SCARA5: variants seen among roughly 807,000 people sequenced by gnomAD.
The protein encoded by SCARA5 is scavenger receptor class A member 5, also known as scavenger receptor class A, member 5 (putative).
Under a neutral mutation model 46.3 loss-of-function variants are expected in SCARA5, and 45 were observed. The observed-to-expected ratio is 0.97, with a 90% CI of 0.76 to 1.24. The LOEUF (loss-of-function observed/expected upper bound fraction) is 1.24. SCARA5 is among the 50% of genes most tolerant of loss of function. The pLI, the probability that SCARA5 is intolerant of heterozygous loss-of-function variation, is 0.00. For synonymous variants in SCARA5, 333 were observed against 306.5 expected (o/e 1.09, Z -0.90); for missense variants, 680 against 689.0 (o/e 0.99, Z 0.15).
intron 2 of SCARA5, among the ~76,000 whole-genome samples, chr8:27,968,500 G>A (rs1395825301): frequency 6.6e-6 from 1 of 152,168 alleles, no homozygotes; most frequent in East Asian, 1.9e-4. Flanking sequence ...TCCTAAATAT[G>A]TAGGCTCCTG....
At position 27,921,763 on chromosome 8, in the gene SCARA5, G is replaced by A. The variant is rs758421929; in HGVS notation, c.724C>T (p.Arg242Cys). The A allele has an allele frequency of 5.1e-6, 8 of 1,579,622 alleles. No homozygotes were observed. The highest frequency in any genetic ancestry group is 6.0e-6 in the Non-Finnish European group (7 of 1,166,208). ...HSLSYDVALH[R>C]TRLQDLRVLV... ...ACCCGCAGGTCCTGCAGCCGCGTGC[G>A]GTGGAGGGCCACGTCGTAGGACAGG... Residue 242 changes from arginine to cysteine, a missense_variant, in exon 4 of 9, where the codon CGC (arginine) becomes TGC (cysteine). By Grantham distance (180) the Arg-to-Cys change is radical. This residue lies in a region of SCARA5 where 438 missense variants were observed against 384.5 expected (regional missense o/e 1.14). Coordinates refer to ENST00000354914, the MANE Select transcript of SCARA5 (RefSeq NM_173833.6).
intron 2 of SCARA5, among the ~76,000 whole-genome samples, chr8:27,983,007 C>A (rs1168019199): frequency 6.6e-6 from 1 of 152,150 alleles, no homozygotes; most frequent in Admixed American, 6.5e-5. Context: ...TGAGGAAGCT[C>A]CCTGGGCATC....
intron 4 of SCARA5, among the ~76,000 whole-genome samples, chr8:27,912,479 G>A (rs1180736008): frequency 2.0e-5 from 3 of 152,232 alleles, no homozygotes; most frequent in Non-Finnish European, 4.4e-5. Flanking sequence ...ACATGATTGA[G>A]TTAGAGAACC....
intron 6 of SCARA5, 89 bp downstream of exon 6, chr8:27,907,059 G>A (rs7826640): frequency 0.13 from 110,242 of 860,694 alleles, 8,671 homozygotes; most frequent in East Asian, 0.31. Flanking sequence ...GTGGCACAGT[G>A]AAGATAAGAG....
intron 3 of SCARA5, among the ~76,000 whole-genome samples, chr8:27,942,113 G>A (rs916170564): frequency 6.6e-6 from 1 of 152,072 alleles, no homozygotes; most frequent in African/African-American, 2.4e-5. Context: ...ACAGGTGTGA[G>A]CCACTGCGCC....
intron 2 of SCARA5, among the ~76,000 whole-genome samples, chr8:27,976,335 C>T (rs1808523795): frequency 6.6e-6 from 1 of 152,210 alleles, no homozygotes; most frequent in African/African-American, 2.4e-5. Context: ...ACTCAAGCAG[C>T]AGGCTCAGGG....
At position 27,871,667 on chromosome 8, in the gene SCARA5, G is replaced by T; in HGVS notation, c.*267C>A. ...GCATGGTGTTCAGAGGCTGGGCAAA[G>T]TGGTGATCCAGTTGATCAGGGCTCC... is the stretch of plus-strand genomic sequence containing the variant. On this transcript the variant is annotated 3_prime_UTR_variant, in exon 9 of 9. Transcript: ENST00000354914. 1.5e-6 allele frequency: 2 copies of T among 1,352,834 alleles called. No homozygotes were observed. Among genetic ancestry groups the T allele is most frequent in the East Asian group, 2.9e-5 (1 of 34,196 alleles). The allele number at this position is 1,352,834 out of a possible 1,614,324, so 83.8% of individuals were successfully genotyped here. A position where few individuals can be genotyped will look rare whatever the true frequency, so the allele number is the denominator to read the frequency against.
At chr8:27,902,814 T>C (rs2726982) in intron 7 of SCARA5, among the ~76,000 whole-genome samples, 146,706 of 152,156 alleles carry the variant, frequency 0.96, 70,967 homozygotes, top group Middle Eastern at 1. Flanking sequence ...CTAGATGGCC[T>C]CATTCAGTCA....
rs138480005 is a variant in SCARA5, at chr8:27,966,528, G to A, written c.127C>T (p.Arg43Trp). ...NLCEDGPCHKRRASICCTQLG... is the reference protein window; with the variant it reads ...NLCEDGPCHKWRASICCTQLG... ...TGGGTACAGCAGATGCTTGCCCGCC[G>A]TTTGTGACATGGACCTGGACAATAA... The change falls in exon 3 of 9, where the codon CGG becomes TGG. Residue 43 changes from arginine to tryptophan, a missense_variant. Coordinates refer to ENST00000354914, the MANE Select transcript of SCARA5 (RefSeq NM_173833.6). 4.2e-4 allele frequency: 679 copies of A among 1,612,766 alleles called. 3 individuals are homozygous for A. In the East Asian group the frequency reaches 6.5e-3, roughly 15 times the overall value.
At chr8:27,885,508 C>T (rs1304121919) in intron 7 of SCARA5, among the ~76,000 whole-genome samples, 1 of 152,182 alleles carries the variant, frequency 6.6e-6, no homozygotes, top group Non-Finnish European at 1.5e-5. Context: ...GATACCCAGC[C>T]TGTGCAAAGG....
At chr8:27,951,460 G>A (rs1422084041) in intron 3 of SCARA5, among the ~76,000 whole-genome samples, 1 of 152,212 alleles carries the variant, frequency 6.6e-6, no homozygotes, top group African/African-American at 2.4e-5. Context: ...GGTGACCAAC[G>A]AATGACTGGT....
chr8:27,897,169 C>CCTCCAA (rs1807076985), intron 7 of SCARA5, among the ~76,000 whole-genome samples: 1 of 152,042 alleles, frequency 6.6e-6, no homozygotes, highest in Non-Finnish European at 1.5e-5. Flanking sequence ...CCCCAAACAC[C>CCTCCAA]CTCCAAGGGT....
intron 3 of SCARA5, among the ~76,000 whole-genome samples, chr8:27,942,396 T>C (rs1585503844): frequency 6.6e-6 from 1 of 152,172 alleles, no homozygotes; most frequent in African/African-American, 2.4e-5. Flanking sequence ...AGAACGCTGT[T>C]CTCTCACTTT....
chr8:27,901,031 G>A (rs1158289292), intron 7 of SCARA5, among the ~76,000 whole-genome samples: 1 of 151,826 alleles, frequency 6.6e-6, no homozygotes, highest in Non-Finnish European at 1.5e-5. Flanking sequence ...GAGAGGAATG[G>A]GTCTGAAACC....
chr8:27,928,858 G>A (rs1187070061), intron 3 of SCARA5, among the ~76,000 whole-genome samples: 1 of 152,026 alleles, frequency 6.6e-6, no homozygotes, highest in East Asian at 1.9e-4. Context: ...TAGGGATGGG[G>A]TTTCGCCACG....
chr8:27,892,627 T>C (rs181643466), intron 7 of SCARA5, among the ~76,000 whole-genome samples: 10,918 of 144,252 alleles, frequency 0.076, 611 homozygotes, highest in East Asian at 0.19. Flanking sequence ...TTTTTTTTTT[T>C]GAGACGGAGT....
intron 4 of SCARA5, among the ~76,000 whole-genome samples, chr8:27,916,431 A>G (rs1475616893): frequency 3.3e-5 from 5 of 152,056 alleles, no homozygotes; most frequent in African/African-American, 1.2e-4. Flanking sequence ...ACACATGGGT[A>G]TGTGTGTTTA....
At chr8:27,897,778 T>C (rs1364338223) in intron 7 of SCARA5, among the ~76,000 whole-genome samples, 1 of 152,236 alleles carries the variant, frequency 6.6e-6, no homozygotes, top group Non-Finnish European at 1.5e-5. Flanking sequence ...CAGCCACGCC[T>C]CCCAAGTCCC....
chr8:27,919,120 G>A (rs1807539050), intron 4 of SCARA5, among the ~76,000 whole-genome samples: 1 of 147,408 alleles, frequency 6.8e-6, no homozygotes, highest in South Asian at 2.2e-4. Flanking sequence ...AGGAGGAGAA[G>A]GAAGAAAAGG....
Sources: allele counts gnomAD v4.1 joint callset (sites outside exome capture counted in the v4.1 genomes callset), GRCh38; gene constraint gnomAD v4.1.1; regional missense constraint gnomAD v4.1.1; transcripts MANE v1.5; gene names NCBI Gene and HGNC (gene_info 2026-07-23, HGNC 2026-07-21).